The following PPARGC1A variants were observed in gnomAD, a reference collection of about 807,000 sequenced individuals.
The protein encoded by PPARGC1A is peroxisome proliferator-activated receptor gamma coactivator 1-alpha.
PPARGC1A carries 25 observed loss-of-function variants against 88.7 expected under a neutral mutation model. That is an observed-to-expected ratio of 0.28 (90% confidence interval 0.21 to 0.39). The LOEUF is 0.39. Among genes scored for constraint, PPARGC1A ranks in the 10% least tolerant of loss-of-function variants. PPARGC1A has a pLI of 1.00. For synonymous variants in PPARGC1A, 363 were observed against 355.6 expected, an observed-to-expected ratio of 1.02 and a Z score of -0.24; for missense variants, 880 against 968.7, an observed-to-expected ratio of 0.91 and a Z score of 1.22.
chr4:24,153,783 G>A, the PPARGC1A span, among the ~76,000 whole-genome samples: 2 of 152,114 alleles, frequency 1.3e-5, no homozygotes, highest in African/African-American at 4.8e-5. Context: ...TTGTTGGCTG[G>A]ACTGTAGAAT....
the PPARGC1A span, among the ~76,000 whole-genome samples, chr4:24,284,571 G>A: frequency 4.6e-5 from 7 of 152,156 alleles, no homozygotes; most frequent in African/African-American, 7.2e-5. Flanking sequence ...GGAAGTGTGC[G>A]CCCCATTGTT....
the PPARGC1A span, among the ~76,000 whole-genome samples, chr4:24,025,031 G>C: frequency 2.0e-5 from 3 of 152,166 alleles, no homozygotes; most frequent in Non-Finnish European, 4.4e-5. Flanking sequence ...AACTCCTTCT[G>C]ACAAGTGAGC....
the PPARGC1A span, among the ~76,000 whole-genome samples, chr4:23,993,317 A>T: frequency 6.6e-6 from 1 of 152,146 alleles, no homozygotes. Context: ...ACAGAAAAGT[A>T]GATTTAACCC....
At chr4:24,189,882 T>C in the PPARGC1A span, among the ~76,000 whole-genome samples, 1 of 152,098 alleles carries the variant, frequency 6.6e-6, no homozygotes, top group Non-Finnish European at 1.5e-5. Context: ...CAGCAGTGCC[T>C]TCCACCATGT....
chr4:24,053,020 C>T, the PPARGC1A span, among the ~76,000 whole-genome samples: 1 of 150,740 alleles, frequency 6.6e-6, no homozygotes, highest in Admixed American at 6.6e-5. Flanking sequence ...CCCGCCACCA[C>T]ACCCGGCTAA....
intron 1 of PPARGC1A, among the ~76,000 whole-genome samples, chr4:23,888,193 G>C (rs1029071939): frequency 6.3e-4 from 96 of 152,330 alleles, no homozygotes; most frequent in African/African-American, 2.3e-3. Context: ...GCTGCCTATA[G>C]TGCAACAGAG....
At chr4:23,840,475 C>T (rs1438380546) in intron 2 of PPARGC1A, among the ~76,000 whole-genome samples, 2 of 152,104 alleles carry the variant, frequency 1.3e-5, no homozygotes, top group African/African-American at 2.4e-5. Context: ...CAGAGGGCCA[C>T]ATGGATTGCC....
the PPARGC1A span, among the ~76,000 whole-genome samples, chr4:24,353,460 C>T: frequency 2.0e-5 from 3 of 151,790 alleles, no homozygotes; most frequent in Admixed American, 6.6e-5. Flanking sequence ...AACATTAAGG[C>T]GAGACTGGCA....
intron 2 of PPARGC1A, among the ~76,000 whole-genome samples, chr4:23,856,397 G>A (rs898375214): frequency 3.3e-5 from 5 of 152,132 alleles, no homozygotes; most frequent in East Asian, 3.9e-4. Context: ...GCCTTTGTTC[G>A]TTGGCTTTCA....
chr4:24,072,330 CTAGA>C, the PPARGC1A span, among the ~76,000 whole-genome samples: 419 of 151,704 alleles, frequency 2.8e-3, 5 homozygotes, highest in East Asian at 0.052. Context: ...ATTGATGAGG[CTAGA>C]TATACTATTG....
At chr4:24,094,531 AAAAG>A in the PPARGC1A span, among the ~76,000 whole-genome samples, 1 of 152,224 alleles carries the variant, frequency 6.6e-6, no homozygotes, top group Non-Finnish European at 1.5e-5. Flanking sequence ...ATGAATTTTA[AAAAG>A]AAAGAGCAAA....
At chr4:24,015,383 A>T in the PPARGC1A span, among the ~76,000 whole-genome samples, 1 of 152,106 alleles carries the variant, frequency 6.6e-6, no homozygotes, top group African/African-American at 2.4e-5. Context: ...TTTGGTTCAT[A>T]GTATTTGTAT....
chr4:23,800,680 C>T (rs1209249767), intron 12 of PPARGC1A, among the ~76,000 whole-genome samples: 3 of 151,274 alleles, frequency 2.0e-5, no homozygotes, highest in Admixed American at 6.6e-5. Flanking sequence ...CAAATCACTT[C>T]GTTGGTAATA....
the PPARGC1A span, among the ~76,000 whole-genome samples, chr4:23,962,527 G>A: frequency 1.3e-5 from 2 of 152,286 alleles, no homozygotes; most frequent in African/African-American, 4.8e-5. Context: ...GTCAAAAGCA[G>A]TCAATGCTTC....
chr4:24,177,469 G>T, the PPARGC1A span, among the ~76,000 whole-genome samples: 3 of 151,708 alleles, frequency 2.0e-5, no homozygotes, highest in Non-Finnish European at 2.9e-5. Context: ...CCTGTTGTGG[G>T]GTGGGGGGAA....
rs147341572 is a variant in PPARGC1A at position 23,849,909 on chromosome 4, G to A, written c.235-18158C>T. 1.6e-4 allele frequency among the ~76,000 whole-genome samples: 24 copies of A among 150,914 alleles called. No homozygotes were observed. The East Asian group carries it at 4.3e-3, about 27-fold the overall frequency. Reference sequence around the variant, plus strand: ...TCCTCATGATGTTTACAGAATCCTCGCTGCACGGTACAGTCATTAGTCTGT... The same window carrying A: ...TCCTCATGATGTTTACAGAATCCTCACTGCACGGTACAGTCATTAGTCTGT... On this transcript the variant is annotated intron_variant, in intron 2 of 12. Coordinates refer to ENST00000264867, the MANE Select transcript of PPARGC1A (RefSeq NM_013261.5).
the PPARGC1A span, among the ~76,000 whole-genome samples, chr4:24,130,451 G>A: frequency 6.6e-6 from 1 of 152,132 alleles, no homozygotes; most frequent in Non-Finnish European, 1.5e-5. Context: ...ACCTTCCCAT[G>A]CATTGCCTCA....
chr4:24,229,735 C>T, the PPARGC1A span, among the ~76,000 whole-genome samples: 1 of 151,572 alleles, frequency 6.6e-6, no homozygotes, highest in Admixed American at 6.6e-5. Flanking sequence ...ATCCGAACTA[C>T]CTGGGAGGCT....
chr4:24,090,005 C>A, the PPARGC1A span, among the ~76,000 whole-genome samples: 4 of 152,180 alleles, frequency 2.6e-5, no homozygotes, highest in Non-Finnish European at 5.9e-5. Flanking sequence ...AGTGATATGA[C>A]ACATGCATTT....
Sources: allele counts gnomAD v4.1 joint callset (sites outside exome capture counted in the v4.1 genomes callset), GRCh38; gene constraint gnomAD v4.1.1; transcripts MANE v1.5; gene names NCBI Gene and HGNC (gene_info 2026-07-23, HGNC 2026-07-21).